The following CNOT4 variants were observed in gnomAD, a reference collection of about 807,000 sequenced individuals.
CNOT4 encodes the protein CCR4-associated factor 4.
A neutral mutation model predicts 73.8 loss-of-function variants in CNOT4; 8 were observed. The observed-to-expected ratio is 0.11, with a 90% CI of 0.06 to 0.20. The LOEUF (loss-of-function observed/expected upper bound fraction) is 0.20, where lower values mean the gene tolerates loss of function less well. CNOT4 is among the 10% of genes least tolerant of loss of function. The pLI is 1.00. For synonymous variants in CNOT4, 293 were observed against 321.1 expected (o/e 0.91, Z 0.94); for missense variants, 564 against 883.4 (o/e 0.64, Z 4.58).
At chr7:135,443,817 G>C (rs189494878) in intron 1 of CNOT4, among the ~76,000 whole-genome samples, 3 of 152,244 alleles carry the variant, frequency 2.0e-5, no homozygotes, top group African/African-American at 4.8e-5. Flanking sequence ...TGTATACATG[G>C]TTTTGTGTTT....
intron 10 of CNOT4, among the ~76,000 whole-genome samples, chr7:135,382,282 A>C (rs927334122): frequency 2.0e-5 from 3 of 152,170 alleles, no homozygotes; most frequent in African/African-American, 7.2e-5. Flanking sequence ...TTCTTTGGAA[A>C]TAGCCCCTGA....
intron 2 of CNOT4, among the ~76,000 whole-genome samples, chr7:135,431,778 C>T (rs940359961): frequency 9.2e-6 from 1 of 108,932 alleles, no homozygotes; most frequent in Admixed American, 1.0e-4. Context: ...GGCCATAGCT[C>T]AAAAACATAA....
chr7:135,441,408 A>T lies in CNOT4; in HGVS notation c.-92-2985T>A, dbSNP rs1585647611. Among the ~76,000 whole-genome samples the T allele has an allele frequency of 2.8e-5, 4 of 145,238 alleles. 1 individual carries two copies. Among genetic ancestry groups the T allele is most frequent in the African/African-American group, 9.9e-5 (4 of 40,228 alleles). ...CTATAATTATTTCAAAATAAAATTAAAAAAAAAAAAAAGAAATGCCCAGAT... is the reference window on the plus strand; with the variant it reads ...CTATAATTATTTCAAAATAAAATTATAAAAAAAAAAAAGAAATGCCCAGAT... On this transcript the variant is annotated intron_variant, in intron 1 of 11. Coordinates refer to ENST00000541284, the MANE Select transcript of CNOT4 (RefSeq NM_001190850.2).
In CNOT4 at chr7:135,397,821, G is replaced by A. The variant is rs75729313; in HGVS notation, c.879+348C>T. On this transcript the variant is annotated intron_variant, in intron 8 of 11. Transcript: ENST00000541284. ...ATAGAAAATTAAAGTAGAGAGCAAGGGGCAAGGGGAGTATGTGGTAGGAAT... is the reference window on the plus strand; with the variant it reads ...ATAGAAAATTAAAGTAGAGAGCAAGAGGCAAGGGGAGTATGTGGTAGGAAT... 3.9e-5 allele frequency among the ~76,000 whole-genome samples: 6 copies of A among 152,196 alleles called. No homozygotes were observed. In the East Asian group the frequency reaches 7.7e-4, roughly 20 times the overall value.
chr7:135,424,088 C>G (rs1798358119), intron 2 of CNOT4, among the ~76,000 whole-genome samples: 1 of 116,074 alleles, frequency 8.6e-6, no homozygotes, highest in South Asian at 2.6e-4. Context: ...CACACACACA[C>G]ACATTTTTTA....
At chr7:135,390,331 G>C (rs1317036344) in intron 10 of CNOT4, among the ~76,000 whole-genome samples, 1 of 151,988 alleles carries the variant, frequency 6.6e-6, no homozygotes, top group Non-Finnish European at 1.5e-5. Context: ...AATTATTTAA[G>C]CTTTCTGGAA....
intron 7 of CNOT4, among the ~76,000 whole-genome samples, chr7:135,405,793 T>C (rs113300826): frequency 0.035 from 5,310 of 152,246 alleles, 310 homozygotes; most frequent in African/African-American, 0.12. Context: ...TGAGGATTAA[T>C]AGCTATGGTA....
chr7:135,439,060 G>C (rs2129485355), intron 1 of CNOT4, among the ~76,000 whole-genome samples: 1 of 152,280 alleles, frequency 6.6e-6, no homozygotes, highest in African/African-American at 2.4e-5. Flanking sequence ...CAGGAAGAAA[G>C]AAGGGAAGAA....
chr7:135,414,545 G>T, intron 4 of CNOT4, 113 bp from the exon 5 acceptor site: 1 of 581,546 alleles, frequency 1.7e-6, no homozygotes, highest in Non-Finnish European at 3.1e-6. Context: ...TATTACTAAT[G>T]ACAATAATTA....
At chr7:135,396,607 C>T (rs1796707967) in intron 8 of CNOT4, among the ~76,000 whole-genome samples, 1 of 152,066 alleles carries the variant, frequency 6.6e-6, no homozygotes, top group African/African-American at 2.4e-5. Flanking sequence ...AAAGAAAGAT[C>T]TAATTAAGTT....
At chr7:135,476,505 A>C (rs1403254121) in intron 1 of CNOT4, among the ~76,000 whole-genome samples, 1 of 152,232 alleles carries the variant, frequency 6.6e-6, no homozygotes, top group African/African-American at 2.4e-5. Flanking sequence ...GTAAAAGCAT[A>C]ATACAAAATA....
intron 10 of CNOT4, among the ~76,000 whole-genome samples, chr7:135,378,280 G>C (rs1019866001): frequency 6.6e-6 from 1 of 152,114 alleles, no homozygotes; most frequent in Non-Finnish European, 1.5e-5. Flanking sequence ...AAGGCAGGTG[G>C]ATCATCTGAG....
intron 2 of CNOT4, among the ~76,000 whole-genome samples, chr7:135,428,905 A>C (rs1385282441): frequency 6.6e-6 from 1 of 152,176 alleles, no homozygotes; most frequent in Non-Finnish European, 1.5e-5. Flanking sequence ...GGAATTGGCT[A>C]ATTTTTCCAT....
At chr7:135,506,767 G>T (rs1804396901) in intron 1 of CNOT4, among the ~76,000 whole-genome samples, 1 of 151,806 alleles carries the variant, frequency 6.6e-6, no homozygotes, top group Non-Finnish European at 1.5e-5. Context: ...AGAATCGCTT[G>T]AACCTGGGAG....
At chr7:135,368,669 C>T (rs1795039596) in intron 10 of CNOT4, among the ~76,000 whole-genome samples, 1 of 152,158 alleles carries the variant, frequency 6.6e-6, no homozygotes, top group Non-Finnish European at 1.5e-5. Context: ...ATAGTTCTCC[C>T]CCTCCTCCCA....
At chr7:135,451,623 C>T (rs1329558895) in intron 1 of CNOT4, among the ~76,000 whole-genome samples, 1 of 152,102 alleles carries the variant, frequency 6.6e-6, no homozygotes, top group Non-Finnish European at 1.5e-5. Flanking sequence ...AGAAATCATA[C>T]ATGTTCTCTA....
chr7:135,443,285 G>T (rs531200430), intron 1 of CNOT4, among the ~76,000 whole-genome samples: 1 of 150,966 alleles, frequency 6.6e-6, no homozygotes, highest in African/African-American at 2.4e-5. Context: ...AGTCCAGGAA[G>T]CAGAGGTTTC....
At chr7:135,450,394 C>T (rs961096500) in intron 1 of CNOT4, among the ~76,000 whole-genome samples, 6 of 152,112 alleles carry the variant, frequency 3.9e-5, no homozygotes, top group African/African-American at 1.4e-4. Flanking sequence ...TCTCGGCTCA[C>T]TGCAACCTTC....
chr7:135,429,550 T>C (rs1243891126), intron 2 of CNOT4, among the ~76,000 whole-genome samples: 1 of 152,220 alleles, frequency 6.6e-6, no homozygotes, highest in Non-Finnish European at 1.5e-5. Flanking sequence ...GATTTAGCCC[T>C]GTCAGTTCCC....
Sources: allele counts gnomAD v4.1 joint callset (sites outside exome capture counted in the v4.1 genomes callset), GRCh38; gene constraint gnomAD v4.1.1; transcripts MANE v1.5; gene names NCBI Gene and HGNC (gene_info 2026-07-23, HGNC 2026-07-21).